P2RY6: variants seen among roughly 807,000 people sequenced by gnomAD.
P2RY6 encodes P2Y purinoceptor 6.
A neutral mutation model predicts 16.3 loss-of-function variants in P2RY6; 19 were observed. The observed-to-expected ratio is 1.16, with a 90% CI of 0.81 to 1.71. The LOEUF is 1.71. P2RY6 is among the 40% of genes most tolerant of loss of function. P2RY6 has a pLI of 0.00. For synonymous variants in P2RY6, 184 were observed against 201.5 expected, an observed-to-expected ratio of 0.91 and a Z score of 0.74; for missense variants, 389 against 455.5, an observed-to-expected ratio of 0.85 and a Z score of 1.33.
At chr11:73,276,246 A>G (rs1195779687) in intron 1 of P2RY6, among the ~76,000 whole-genome samples, 2 of 152,276 alleles carry the variant, frequency 1.3e-5, no homozygotes, top group African/African-American at 4.8e-5. Context: ...GGATGTGAAG[A>G]AATTGGAAAT....
At chr11:73,292,828 T>G in intron 1 of P2RY6, 1 of 985,334 alleles carries the variant, frequency 1.0e-6, no homozygotes, top group Non-Finnish European at 1.2e-6. Flanking sequence ...GCAGCCTAGC[T>G]GAGGGCAGGA....
chr11:73,283,359 T>C (rs567633176), intron 1 of P2RY6, among the ~76,000 whole-genome samples: 38 of 152,270 alleles, frequency 2.5e-4, no homozygotes, highest in African/African-American at 8.9e-4. Flanking sequence ...TCCCAACCAG[T>C]CACCTCCCTA....
rs764562882 is a variant in P2RY6 at position 73,296,558 on chromosome 11, C to T, written c.40C>T (p.Pro14Ser). The T allele has an allele frequency of 3.1e-6, 5 of 1,614,050 alleles. No homozygotes were observed. In the East Asian group the frequency reaches 1.1e-4, roughly 36 times the overall value. The stretch of plus-strand genomic sequence containing the variant: ...TGGCACAGGCCAGGCTCTGGGCTTG[C>T]CACCCACCACCTGTGTCTACCGCGA... ...DNGTGQALGL[P>S]PTTCVYRENF... Residue 14 changes from proline (P) to serine (S), a missense_variant, in exon 3 of 3, where the codon CCA becomes TCA. Pro to Ser is a moderately conservative substitution (Grantham distance 74, BLOSUM62 -1). Transcript: ENST00000540124.
At chr11:73,268,205 C>A (rs1156903648), upstream of P2RY6, among the ~76,000 whole-genome samples, 10 of 152,256 alleles carry the variant, frequency 6.6e-5, no homozygotes, top group Admixed American at 6.5e-4. Context: ...CTCCTTACAA[C>A]TCTGTTAGGT....
At chr11:73,266,890 G>C (rs746367598) in intron 1 of P2RY6, among the ~76,000 whole-genome samples, 63 of 152,162 alleles carry the variant, frequency 4.1e-4, no homozygotes, top group Non-Finnish European at 8.5e-4. Flanking sequence ...AGCCCTCCTG[G>C]GGAGAAGGAG....
Position 73,295,392 on chromosome 11 carries a change from G to C in P2RY6, c.-120-338G>C, listed in dbSNP as rs1452293421. On this transcript the variant is annotated intron_variant, in intron 1 of 2. Coordinates refer to ENST00000540124, the MANE Select transcript of P2RY6 (RefSeq NM_001277204.2). ...GGGAGCAACATTTAAACCCAGGCCT[G>C]CCTAGCTCTGAAGTTGGTCATGTAA... 3.9e-5 allele frequency among the ~76,000 whole-genome samples: 6 copies of C among 152,212 alleles called. No individual in the cohort carries two copies. In the East Asian group the frequency reaches 1.2e-3, roughly 29 times the overall value.
chr11:73,271,479 A>T (rs1312121691), upstream of P2RY6: 1 of 152,218 alleles, frequency 6.6e-6, no homozygotes, highest in Non-Finnish European at 1.5e-5. Context: ...GAGGGTCGTG[A>T]TCAACTGAAC....
At chr11:73,264,853 TA>T (rs57324172) in intron 1 of P2RY6, among the ~76,000 whole-genome samples, 33,625 of 147,594 alleles carry the variant, frequency 0.23, 4,740 homozygotes, top group African/African-American at 0.41. Flanking sequence ...AGACTCCGTC[TA>T]AAAAAAAAAA....
In P2RY6 at chr11:73,297,372, G is replaced by T; in HGVS notation, c.854G>T (p.Gly285Val). 1 of 1,612,240 alleles carries T rather than the reference G, an allele frequency of 6.2e-7. No individual in the cohort carries two copies. Among genetic ancestry groups the T allele is most frequent in the Non-Finnish European group, 8.5e-7 (1 of 1,180,042 alleles). Residue 285 changes from glycine to valine, a missense_variant, in exon 3 of 3, where the codon GGC becomes GTC. By Grantham distance (109) the Gly-to-Val change is moderately radical. Transcript: ENST00000540124. Reference protein sequence around the residue: ...VLEAFAAAYKGTRPFASANSV... With the variant: ...VLEAFAAAYKVTRPFASANSV... ...GAGGCCTTTGCAGCGGCCTACAAAG[G>T]CACGCGGCCGTTTGCCAGTGCCAAC... is the stretch of plus-strand genomic sequence containing the variant.
At chr11:73,285,131 T>C (rs1385078261) in intron 1 of P2RY6, among the ~76,000 whole-genome samples, 1 of 152,192 alleles carries the variant, frequency 6.6e-6, no homozygotes. Context: ...AATGCAGTGG[T>C]GTGATCATAG....
chr11:73,269,458 T>C (rs111627176), upstream of P2RY6, among the ~76,000 whole-genome samples: 654 of 152,264 alleles, frequency 4.3e-3, 10 homozygotes, highest in African/African-American at 0.015. Flanking sequence ...CTGGGACAGT[T>C]TGAAGATTAT....
At chr11:73,269,499 G>A (rs1452636497), upstream of P2RY6, among the ~76,000 whole-genome samples, 3 of 152,194 alleles carry the variant, frequency 2.0e-5, no homozygotes. Flanking sequence ...GGAAAATAAG[G>A]CCTGTGGACT....
upstream of P2RY6, among the ~76,000 whole-genome samples, chr11:73,267,540 A>T (rs1272819327): frequency 6.6e-6 from 1 of 152,204 alleles, no homozygotes. Context: ...ATGGGGCTGA[A>T]GAGACCTCAA....
At position 73,289,827 on chromosome 11, in the gene P2RY6, T is replaced by G. The variant is rs6592518; in HGVS notation, c.-120-5903T>G. 3.3e-3 allele frequency among the ~76,000 whole-genome samples: 508 copies of G among 152,308 alleles called. 7 individuals carry two copies. Among genetic ancestry groups the G allele is most frequent in the African/African-American group, 0.012 (481 of 41,574 alleles). On this transcript the variant is annotated intron_variant, in intron 1 of 2. Transcript: ENST00000540124. ...GCTTGGAAAACTCACTGGCCCTTCC[T>G]GAGCCTTAGTTTCTTCGTCTATAAA...
chr11:73,272,723 G>A (rs1476689892), intron 1 of P2RY6, among the ~76,000 whole-genome samples: 3 of 152,210 alleles, frequency 2.0e-5, no homozygotes, highest in East Asian at 3.9e-4. Flanking sequence ...GTGCTGCGCC[G>A]TGCCTTGCTG....
chr11:73,288,352 A>T (rs1038273089), intron 1 of P2RY6, among the ~76,000 whole-genome samples: 1 of 152,134 alleles, frequency 6.6e-6, no homozygotes, highest in Non-Finnish European at 1.5e-5. Flanking sequence ...AAATTCCCCA[A>T]AGCTGCAGCT....
At chr11:73,268,926 C>A (rs1029493407), upstream of P2RY6, among the ~76,000 whole-genome samples, 11 of 152,242 alleles carry the variant, frequency 7.2e-5, no homozygotes, top group Non-Finnish European at 1.5e-4. Context: ...GCCCTTGACT[C>A]ATGTGGATCG....
intron 1 of P2RY6, among the ~76,000 whole-genome samples, chr11:73,289,587 C>T (rs902711037): frequency 1.5e-4 from 23 of 152,274 alleles, no homozygotes; most frequent in African/African-American, 5.3e-4. Context: ...TGTGGGCAGA[C>T]CAGCCTTGCC....
chr11:73,290,287 AAAG>A (rs1355941767), intron 1 of P2RY6, among the ~76,000 whole-genome samples: 29 of 138,236 alleles, frequency 2.1e-4, no homozygotes, highest in Non-Finnish European at 3.7e-4. Flanking sequence ...GGAAGGAAAG[AAAG>A]AAAGAAAGAA....
Sources: allele counts gnomAD v4.1 joint callset (sites outside exome capture counted in the v4.1 genomes callset), GRCh38; gene constraint gnomAD v4.1.1; transcripts MANE v1.5; gene names NCBI Gene and HGNC (gene_info 2026-07-23, HGNC 2026-07-21).